DACH2: variants seen among roughly 807,000 people sequenced by gnomAD.
The protein encoded by DACH2 is dachshund family transcription factor 2, also known as dachshund homolog 2.
In DACH2, 17 loss-of-function variants were observed where a neutral mutation model predicts 35.8. The ratio of observed to expected loss-of-function variants is 0.48; its 90% CI spans 0.33 to 0.71. The LOEUF (loss-of-function observed/expected upper bound fraction) is 0.71. Among genes scored for constraint, DACH2 ranks in the 30% least tolerant of loss-of-function variants. The probability of loss-of-function intolerance (pLI) is 0.02; values close to 1 mark genes in which losing one functional copy is unlikely to be tolerated. For missense variants in DACH2, 469 were observed against 472.7 expected (o/e 0.99, Z 0.07); for synonymous variants, 195 against 177.3 (o/e 1.10, Z -0.79).
At chrX:86,820,961 A>G (rs972939516) in intron 11 of DACH2, among the ~76,000 whole-genome samples, 2 of 111,555 alleles carry the variant, frequency 1.8e-5, no homozygotes, top group African/African-American at 6.5e-5. Flanking sequence ...GAAGAATAGT[A>G]AGAAAAAGTG....
chrX:86,346,293 T>TA (rs1377193586), intron 1 of DACH2, among the ~76,000 whole-genome samples: 1 of 109,975 alleles, frequency 9.1e-6, no homozygotes, highest in Non-Finnish European at 1.9e-5. Context: ...GATACATTTT[T>TA]TTTTTTTAGC....
intron 7 of DACH2, among the ~76,000 whole-genome samples, chrX:86,748,182 C>G (rs1443232346): frequency 8.9e-6 from 1 of 112,108 alleles, no homozygotes; most frequent in South Asian, 3.7e-4. Flanking sequence ...TCAAAGTCAT[C>G]CACAAGGGTT....
intron 2 of DACH2, among the ~76,000 whole-genome samples, chrX:86,407,521 T>C (rs1556100817): frequency 1.8e-5 from 2 of 112,252 alleles, no homozygotes; most frequent in South Asian, 7.4e-4. Flanking sequence ...CCAGCATACT[T>C]TGTGACTCCA....
At chrX:86,290,723 A>G (rs2034267925) in intron 1 of DACH2, among the ~76,000 whole-genome samples, 2 of 97,996 alleles carry the variant, frequency 2.0e-5, no homozygotes, top group Non-Finnish European at 4.0e-5. Context: ...GTCAAAGATC[A>G]GATAGTTGTA....
At chrX:86,420,871 A>G (rs1219863366) in intron 2 of DACH2, among the ~76,000 whole-genome samples, 2 of 111,332 alleles carry the variant, frequency 1.8e-5, no homozygotes, top group African/African-American at 6.5e-5. Flanking sequence ...TCACTTTTAG[A>G]ACATTTTGAA....
rs974209584 is a variant in DACH2 at position 86,489,582 on chromosome X, A to G, written c.528-24697A>G. Among the ~76,000 whole-genome samples the G allele has an allele frequency of 1.3e-4, 15 of 111,503 alleles. No individual in the cohort carries two copies. In the Admixed American group the frequency reaches 1.4e-3, roughly 11 times the overall value. On this transcript the variant is annotated intron_variant, in intron 2 of 11. Coordinates refer to ENST00000373125, the MANE Select transcript of DACH2 (RefSeq NM_053281.3). ...GTATGTTAATTAGCTTGACTTAGCC[A>G]TTTCACAATGTAAACATGTATCAAA...
intron 6 of DACH2, among the ~76,000 whole-genome samples, chrX:86,718,331 G>T (rs771982497): frequency 2.4e-4 from 27 of 111,005 alleles, no homozygotes; most frequent in Non-Finnish European, 4.2e-4. Context: ...GGATTATTTT[G>T]AGTTTTCTTT....
chrX:86,452,266 A>C (rs2037391545), intron 2 of DACH2, among the ~76,000 whole-genome samples: 1 of 111,819 alleles, frequency 8.9e-6, no homozygotes, highest in Admixed American at 9.5e-5. Context: ...ATGTTCATCA[A>C]GTATATTGAC....
At chrX:86,348,072 T>C (rs1160624504) in intron 1 of DACH2, among the ~76,000 whole-genome samples, 1 of 111,514 alleles carries the variant, frequency 9.0e-6, no homozygotes, top group Non-Finnish European at 1.9e-5. Flanking sequence ...CCCGTTATAA[T>C]GAATGCAGGT....
Position 86,386,957 on chromosome X carries a change from T to C in DACH2, c.527+10095T>C, listed in dbSNP as rs557250749. ...CCTAAATTTTCCATCATCCTAGTAA[T>C]GCACATAAGTCTTATTCTCTCACCA... On this transcript the variant is annotated intron_variant, in intron 2 of 11. Transcript: ENST00000373125. 4.5e-5 allele frequency among the ~76,000 whole-genome samples: 5 copies of C among 111,758 alleles called. No homozygotes were observed. In the South Asian group the frequency reaches 1.9e-3, roughly 42 times the overall value.
chrX:86,784,245 C>G (rs1460793166), intron 7 of DACH2, among the ~76,000 whole-genome samples: 1 of 109,950 alleles, frequency 9.1e-6, no homozygotes. Flanking sequence ...AATTTAATAT[C>G]TAGAATCTAT....
rs2039311247 is a variant in DACH2, at chrX:86,567,786, A to G, written c.640+53395A>G. On this transcript the variant is annotated intron_variant, in intron 3 of 11. Coordinates refer to ENST00000373125, the MANE Select transcript of DACH2 (RefSeq NM_053281.3). The stretch of plus-strand genomic sequence containing the variant: ...TGGTCATTGTGGCTGAGTTTTTTAA[A>G]AGTCCACACTTCTTGGTATTTTCAC... Among the ~76,000 whole-genome samples, 4 of 111,134 alleles carry G rather than the reference A, an allele frequency of 3.6e-5. 1 individual carries two copies. In the Admixed American group the frequency reaches 3.9e-4, roughly 11 times the overall value.
At chrX:86,360,236 A>T (rs1412098222) in intron 1 of DACH2, among the ~76,000 whole-genome samples, 1 of 110,566 alleles carries the variant, frequency 9.0e-6, no homozygotes, top group Non-Finnish European at 1.9e-5. Context: ...CCTTTATATG[A>T]CAGTAACACA....
At chrX:86,829,447 C>T (rs889991644) in intron 11 of DACH2, 7 of 112,247 alleles carry the variant, frequency 6.2e-5, no homozygotes, top group Non-Finnish European at 1.1e-4. Context: ...ATAAGTTTAA[C>T]TTACCTTGTT....
intron 7 of DACH2, among the ~76,000 whole-genome samples, chrX:86,740,751 C>A (rs190520124): frequency 9.2e-6 from 1 of 109,144 alleles, no homozygotes; most frequent in Non-Finnish European, 1.9e-5. Context: ...ACCTATTATA[C>A]GGAAAAAACT....
At chrX:86,303,835 T>C (rs2034623556) in intron 1 of DACH2, among the ~76,000 whole-genome samples, 1 of 110,813 alleles carries the variant, frequency 9.0e-6, no homozygotes, top group African/African-American at 3.3e-5. Flanking sequence ...GATCTACAGA[T>C]TCAGTGCAAT....
At chrX:86,162,926 A>G (rs1377440048) in intron 1 of DACH2, among the ~76,000 whole-genome samples, 1 of 111,041 alleles carries the variant, frequency 9.0e-6, no homozygotes, top group Non-Finnish European at 1.9e-5. Context: ...GTGGTTACAT[A>G]GTAGATGTAT....
chrX:86,414,343 C>T (rs2036665828), intron 2 of DACH2, among the ~76,000 whole-genome samples: 1 of 111,774 alleles, frequency 8.9e-6, no homozygotes, highest in South Asian at 3.7e-4. Flanking sequence ...ACAAGTCACA[C>T]TGTTCTGATT....
intron 1 of DACH2, among the ~76,000 whole-genome samples, chrX:86,267,076 C>T (rs184792724): frequency 8.9e-6 from 1 of 112,018 alleles, no homozygotes; most frequent in East Asian, 2.8e-4. Flanking sequence ...CATGAGTTTA[C>T]ACCAATGACT....
Sources: gnomAD v4.1 joint callset for allele counts (sites outside exome capture counted in the v4.1 genomes callset) on GRCh38, gnomAD v4.1.1 for gene constraint, MANE v1.5 for transcripts, NCBI Gene and HGNC (gene_info 2026-07-23, HGNC 2026-07-21) for gene names.